The following NFIC variants were observed in gnomAD, a reference collection of about 807,000 sequenced individuals.
NFIC encodes nuclear factor I C.
NFIC carries 12 observed loss-of-function variants against 54.4 expected under a neutral mutation model. The ratio of observed to expected loss-of-function variants is 0.22; its 90% confidence interval spans 0.14 to 0.36. The LOEUF (loss-of-function observed/expected upper bound fraction) is 0.36. NFIC is among the 10% of genes least tolerant of loss of function. The probability of loss-of-function intolerance (pLI) is 1.00; values close to 1 mark genes in which losing one functional copy is unlikely to be tolerated. For synonymous variants in NFIC, 322 were observed against 319.2 expected (o/e 1.01, Z -0.09); for missense variants, 575 against 718.2 (o/e 0.80, Z 2.28).
intron 6 of NFIC, among the ~76,000 whole-genome samples, chr19:3,438,021 G>A (rs77421003): frequency 0.091 from 13,767 of 152,100 alleles, 784 homozygotes; most frequent in African/African-American, 0.16. Flanking sequence ...CTCTGTAATT[G>A]ATGAGGCTGT....
chr19:3,395,014 G>A (rs1304144782), intron 2 of NFIC, among the ~76,000 whole-genome samples: 1 of 152,054 alleles, frequency 6.6e-6, no homozygotes, highest in Non-Finnish European at 1.5e-5. Flanking sequence ...TCCCAAGTTG[G>A]GTTCTCGAAA....
At chr19:3,450,133 C>T (rs1374065801) in intron 7 of NFIC, among the ~76,000 whole-genome samples, 1 of 151,452 alleles carries the variant, frequency 6.6e-6, no homozygotes, top group East Asian at 2.0e-4. Context: ...ATTACGAGGT[C>T]AGGAGATTGA....
intron 2 of NFIC, among the ~76,000 whole-genome samples, chr19:3,384,176 T>A (rs926204407): frequency 2.7e-5 from 4 of 148,442 alleles, no homozygotes; most frequent in African/African-American, 1.0e-4. Flanking sequence ...TGCCTCACCC[T>A]CCCAAGTAGC....
At chr19:3,393,951 T>A (rs2081416656) in intron 2 of NFIC, among the ~76,000 whole-genome samples, 1 of 151,956 alleles carries the variant, frequency 6.6e-6, no homozygotes, top group Non-Finnish European at 1.5e-5. Context: ...TGTTAATTTT[T>A]TTTTTCCTTG....
At chr19:3,360,519 G>T (rs751236428) in intron 1 of NFIC, among the ~76,000 whole-genome samples, 4 of 152,032 alleles carry the variant, frequency 2.6e-5, no homozygotes, top group Non-Finnish European at 5.9e-5. Flanking sequence ...GCTCCGTAAC[G>T]GGCCGGCATT....
intron 2 of NFIC, among the ~76,000 whole-genome samples, chr19:3,422,465 C>T (rs11671688): frequency 6.6e-6 from 1 of 150,490 alleles, no homozygotes; most frequent in African/African-American, 2.4e-5. Context: ...CGCCTGTAAT[C>T]CCAGCACTTT....
At chr19:3,416,753 A>C (rs1161936810) in intron 2 of NFIC, among the ~76,000 whole-genome samples, 1 of 150,708 alleles carries the variant, frequency 6.6e-6, no homozygotes, top group Admixed American at 6.6e-5. Context: ...CGAACTCCTG[A>C]CCTCAGGTGA....
rs115422045 is a variant in NFIC, at chr19:3,398,157, C to T, written c.562+15914C>T. Reference sequence around the variant, plus strand: ...ATCCGCCGTGCAGACTTGGCAATTCCTTCTTCACCTTGCTCCGTGCCTCAG... The same window carrying T: ...ATCCGCCGTGCAGACTTGGCAATTCTTTCTTCACCTTGCTCCGTGCCTCAG... On this transcript the variant is annotated intron_variant, in intron 2 of 10. Coordinates refer to ENST00000443272, the MANE Select transcript of NFIC (RefSeq NM_001245002.2). 3.9e-3 allele frequency among the ~76,000 whole-genome samples: 595 copies of T among 152,224 alleles called. 3 individuals are homozygous for T. Among genetic ancestry groups the T allele is most frequent in the African/African-American group, 0.014 (579 of 41,528 alleles).
intron 2 of NFIC, among the ~76,000 whole-genome samples, chr19:3,383,583 G>A (rs965713510): frequency 3.3e-5 from 5 of 152,200 alleles, no homozygotes; most frequent in African/African-American, 1.2e-4. Flanking sequence ...AAGATCATGC[G>A]TGTAGCCACG....
At chr19:3,423,363 A>C (rs1045338188) in intron 2 of NFIC, among the ~76,000 whole-genome samples, 11 of 152,142 alleles carry the variant, frequency 7.2e-5, no homozygotes, top group Non-Finnish European at 1.6e-4. Flanking sequence ...GAAGATGAGA[A>C]ACAGGCTCAG....
At chr19:3,380,446 C>T (rs1385476377) in intron 1 of NFIC, among the ~76,000 whole-genome samples, 2 of 150,608 alleles carry the variant, frequency 1.3e-5, no homozygotes, top group African/African-American at 4.9e-5. Flanking sequence ...CTGTCTCAGC[C>T]TCCTGAGTAG....
upstream of NFIC, among the ~76,000 whole-genome samples, chr19:3,363,257 A>ATT (rs2080836909): frequency 6.4e-5 from 1 of 15,604 alleles, no homozygotes; most frequent in African/African-American, 4.0e-4. Context: ...ATATATATAT[A>ATT]TATATATATA....
chr19:3,388,248 T>G (rs10403546), intron 2 of NFIC, among the ~76,000 whole-genome samples: 69,991 of 151,430 alleles, frequency 0.46, 16,727 homozygotes, highest in African/African-American at 0.6. Flanking sequence ...GGAGGGGGAG[T>G]TCCCCAGCGC....
chr19:3,450,344 C>CA (rs756068500), intron 7 of NFIC, among the ~76,000 whole-genome samples: 33 of 66,082 alleles, frequency 5.0e-4, no homozygotes, highest in Middle Eastern at 8.6e-3. Context: ...GACTCCATCT[C>CA]AAAAAAAAAA....
intron 3 of NFIC, among the ~76,000 whole-genome samples, chr19:3,429,596 A>G (rs1333929340): frequency 6.6e-6 from 1 of 152,086 alleles, no homozygotes; most frequent in East Asian, 1.9e-4. Flanking sequence ...GTCTCTAAAA[A>G]AGAAAGATTG....
At chr19:3,394,697 T>C (rs1312947332) in intron 2 of NFIC, among the ~76,000 whole-genome samples, 1 of 151,728 alleles carries the variant, frequency 6.6e-6, no homozygotes. Context: ...GGGAGGAACC[T>C]GGCCACTCAG....
intron 2 of NFIC, among the ~76,000 whole-genome samples, chr19:3,394,519 A>ACCCCCCCC (rs138210089): frequency 1.5e-4 from 7 of 47,314 alleles, no homozygotes; most frequent in South Asian, 8.8e-4. Flanking sequence ...TCTTTTCCCC[A>ACCCCCCCC]CCCACCCCCC....
At chr19:3,435,280 GC>G (rs2082182642) in intron 6 of NFIC, 73 bp downstream of exon 6, 4 of 1,441,658 alleles carry the variant, frequency 2.8e-6, no homozygotes, top group Non-Finnish European at 3.7e-6. Context: ...TCTTCCGGCA[GC>G]CACTGCGCGG....
At position 3,370,948 on chromosome 19, in the gene NFIC, C is replaced by G. The variant is rs1252601170; in HGVS notation, c.30+4282C>G. 2.0e-5 allele frequency among the ~76,000 whole-genome samples: 3 copies of G among 152,232 alleles called. No individual in the cohort carries two copies. The highest frequency in any genetic ancestry group is 7.2e-5 in the African/African-American group (3 of 41,460). Reference sequence around the variant, plus strand: ...CCTGACCAGTTCACATCCATGAGCACACGCTGGGCGCACACGCGTGCACAC... The same window carrying G: ...CCTGACCAGTTCACATCCATGAGCAGACGCTGGGCGCACACGCGTGCACAC... On this transcript the variant is annotated intron_variant, in intron 1 of 10. Transcript: ENST00000443272. The surrounding 1 kb of genome is among the most constrained non-coding windows in gnomAD (Gnocchi z 5.2).
Sources: gnomAD v4.1 joint callset for allele counts (sites outside exome capture counted in the v4.1 genomes callset) on GRCh38, gnomAD v4.1.1 for gene constraint, Gnocchi (gnomAD v3.1) non-coding constraint, MANE v1.5 for transcripts, NCBI Gene and HGNC (gene_info 2026-07-23, HGNC 2026-07-21) for gene names.